Variants in CCDC91 observed in about 807,000 individuals in gnomAD.
CCDC91 encodes the protein coiled-coil domain containing 91.
Under a neutral mutation model 63.2 loss-of-function variants are expected in CCDC91, and 48 were observed. The observed-to-expected ratio is 0.76, with a 90% CI of 0.60 to 0.97. The LOEUF is 0.97. CCDC91 is among the 50% of genes least tolerant of loss of function. CCDC91 has a pLI of 0.00. For missense variants in CCDC91, 500 were observed against 494.6 expected (o/e 1.01, Z -0.10); for synonymous variants, 167 against 165.8 (o/e 1.01, Z -0.06).
chr12:28,202,943 G>A (rs1358506346), intron 1 of CCDC91, among the ~76,000 whole-genome samples: 1 of 152,222 alleles, frequency 6.6e-6, no homozygotes, highest in East Asian at 1.9e-4. Flanking sequence ...CTGGGGAAAA[G>A]GTTATTGGCA....
chr12:28,268,575 T>A lies in CCDC91; in HGVS notation c.109+9133T>A. ...GAATCTGTGAAGTCTAGAATATCAG[T>A]CTCCCCTTTGGTTCTGGAATTCTTC... is the stretch of plus-strand genomic sequence containing the variant. On this transcript the variant is annotated intron_variant, in intron 3 of 12. Coordinates refer to ENST00000536442, the MANE Select transcript of CCDC91 (RefSeq NM_018318.5). The A allele has an allele frequency of 2.2e-5, 14 of 626,678 alleles. 1 individual carries two copies. Among genetic ancestry groups the A allele is most frequent in the Non-Finnish European group, 2.8e-5 (14 of 502,100 alleles). The allele number at this position is 626,678 out of a possible 1,614,324, so 38.8% of individuals were successfully genotyped here. A position where few individuals can be genotyped will look rare whatever the true frequency, so the allele number is the denominator to read the frequency against.
intron 8 of CCDC91, among the ~76,000 whole-genome samples, chr12:28,420,913 A>G (rs1176795466): frequency 1.3e-5 from 2 of 151,996 alleles, no homozygotes; most frequent in African/African-American, 2.4e-5. Context: ...GTGGCTTTCT[A>G]TTGTCAGAAC....
intron 12 of CCDC91, among the ~76,000 whole-genome samples, chr12:28,516,244 CT>C (rs1312208307): frequency 6.6e-6 from 1 of 151,926 alleles, no homozygotes; most frequent in African/African-American, 2.4e-5. Flanking sequence ...CATTAGGATA[CT>C]GTCTTGGTCT....
intron 1 of CCDC91, among the ~76,000 whole-genome samples, chr12:28,202,039 G>A (rs61920253): frequency 0.26 from 39,622 of 151,910 alleles, 5,434 homozygotes; most frequent in Non-Finnish European, 0.31. Context: ...GGTTTTCTAT[G>A]TTTCTTCTCT....
At chr12:28,370,444 C>T (rs1383468916) in intron 7 of CCDC91, among the ~76,000 whole-genome samples, 1 of 152,234 alleles carries the variant, frequency 6.6e-6, no homozygotes, top group African/African-American at 2.4e-5. Flanking sequence ...GAGACCACCT[C>T]AGCGTGGGCT....
At chr12:28,260,048 C>T (rs1946726766) in intron 3 of CCDC91, among the ~76,000 whole-genome samples, 1 of 151,818 alleles carries the variant, frequency 6.6e-6, no homozygotes, top group Non-Finnish European at 1.5e-5. Flanking sequence ...TCAAATGTTA[C>T]AGTTATTTAT....
intron 8 of CCDC91, among the ~76,000 whole-genome samples, chr12:28,439,655 T>C (rs1949079623): frequency 2.0e-5 from 3 of 152,080 alleles, no homozygotes; most frequent in Admixed American, 6.5e-5. Flanking sequence ...CCATGTGTGA[T>C]TGTGATTAAA....
At chr12:28,407,919 C>G (rs1947053082) in intron 8 of CCDC91, among the ~76,000 whole-genome samples, 1 of 150,312 alleles carries the variant, frequency 6.7e-6, no homozygotes, top group Non-Finnish European at 1.5e-5. Flanking sequence ...CATAAGGACA[C>G]AATTGGTCTT....
chr12:28,219,244 T>C (rs1302078618), intron 1 of CCDC91, among the ~76,000 whole-genome samples: 1 of 152,154 alleles, frequency 6.6e-6, no homozygotes, highest in Non-Finnish European at 1.5e-5. Flanking sequence ...TTATTAGATC[T>C]TTTATAAAGT....
At chr12:28,444,751 T>C (rs1949412309) in intron 8 of CCDC91, among the ~76,000 whole-genome samples, 1 of 152,112 alleles carries the variant, frequency 6.6e-6, no homozygotes, top group Non-Finnish European at 1.5e-5. Context: ...ACTTTGGTGA[T>C]GAAATAATCT....
chr12:28,291,774 T>A (rs1949267178), intron 3 of CCDC91, among the ~76,000 whole-genome samples: 1 of 152,206 alleles, frequency 6.6e-6, no homozygotes, highest in Admixed American at 6.5e-5. Flanking sequence ...AGGCACCCAC[T>A]TATTGAGCTT....
At chr12:28,462,169 G>A (rs1179420230) in intron 11 of CCDC91, among the ~76,000 whole-genome samples, 2 of 151,400 alleles carry the variant, frequency 1.3e-5, no homozygotes, top group Non-Finnish European at 2.9e-5. Flanking sequence ...TTGTATCTTT[G>A]TGAAGCTGGC....
intron 12 of CCDC91, among the ~76,000 whole-genome samples, chr12:28,487,471 G>A (rs1415351291): frequency 1.3e-5 from 2 of 151,746 alleles, no homozygotes; most frequent in African/African-American, 4.8e-5. Flanking sequence ...ATATCTCAGA[G>A]CTTATAAACT....
chr12:28,265,214 G>A (rs11832931), intron 3 of CCDC91, among the ~76,000 whole-genome samples: 1,846 of 152,080 alleles, frequency 0.012, 11 homozygotes, highest in Middle Eastern at 0.017. Context: ...TTTCTAATAT[G>A]TTTCTAAGTT....
rs191808609 is a variant in CCDC91 at position 28,391,963 on chromosome 12, G to C, written c.762+552G>C. ...GAATTTCCTAGTAATATTTCTCAAA[G>C]ATATAAAATTTGGAATGTGAAAATT... On this transcript the variant is annotated intron_variant, in intron 8 of 12. Transcript: ENST00000536442. Among the ~76,000 whole-genome samples, 394 of 152,190 alleles carry C rather than the reference G, an allele frequency of 2.6e-3. 1 individual carries two copies. The highest frequency in any genetic ancestry group is 6.8e-3 in the Middle Eastern group (2 of 294).
rs558467165 is a variant in CCDC91 at position 28,416,629 on chromosome 12, G to A, written c.762+25218G>A. Among the ~76,000 whole-genome samples, 4 of 152,100 alleles carry A rather than the reference G, an allele frequency of 2.6e-5. No homozygotes were observed. In the East Asian group the frequency reaches 5.8e-4, roughly 22 times the overall value. ...CTAGGATGATCAGATGGTGAAGATC[G>A]GGAGAAGAATTTGATGAGATATCAA... On this transcript the variant is annotated intron_variant, in intron 8 of 12. Transcript: ENST00000536442.
rs774113320 is a variant in CCDC91 at position 28,305,711 on chromosome 12, T to C, written c.172T>C (p.Ser58Pro). 6.2e-7 allele frequency: 1 copy of C among 1,613,418 alleles called. No individual in the cohort carries two copies. Among genetic ancestry groups the C allele is most frequent in the Non-Finnish European group, 8.5e-7 (1 of 1,179,554 alleles). ...EIVLDRDHSSSIGCLSSDAII... is the reference protein window; with the variant it reads ...EIVLDRDHSSPIGCLSSDAII... ...TGTACTGGACCGTGACCACTCTTCTTCCATTGGCTGCCTCTCTTCTGATGC... is the reference window on the plus strand; with the variant it reads ...TGTACTGGACCGTGACCACTCTTCTCCCATTGGCTGCCTCTCTTCTGATGC... Residue 58 changes from serine (S) to proline (P), a missense_variant, in exon 4 of 13, where the codon TCC becomes CCC. Ser to Pro is a moderately conservative substitution (Grantham distance 74). Coordinates refer to ENST00000536442, the MANE Select transcript of CCDC91 (RefSeq NM_018318.5).
At chr12:28,476,830 T>C (rs1262927022) in intron 11 of CCDC91, among the ~76,000 whole-genome samples, 1 of 152,144 alleles carries the variant, frequency 6.6e-6, no homozygotes, top group African/African-American at 2.4e-5. Context: ...CATCAGAGGA[T>C]ACTATAAACA....
chr12:28,329,937 A>C (rs1444852250), intron 6 of CCDC91, among the ~76,000 whole-genome samples: 3 of 152,184 alleles, frequency 2.0e-5, no homozygotes, highest in African/African-American at 4.8e-5. Context: ...CCTGCAAAGG[A>C]CATGGACTCA....
Sources: allele counts gnomAD v4.1 joint callset (sites outside exome capture counted in the v4.1 genomes callset), GRCh38; gene constraint gnomAD v4.1.1; transcripts MANE v1.5; gene names NCBI Gene and HGNC (gene_info 2026-07-23, HGNC 2026-07-21).